TPD52L2: variants seen among roughly 807,000 people sequenced by gnomAD.
TPD52L2 encodes tumor protein D54.
In TPD52L2, 19 loss-of-function variants were observed where a neutral mutation model predicts 24.7. The observed-to-expected ratio is 0.77, with a 90% confidence interval of 0.54 to 1.13. The LOEUF (loss-of-function observed/expected upper bound fraction) is 1.13, where lower values mean the gene tolerates loss of function less well. Among genes scored for constraint, TPD52L2 ranks in the 50% most tolerant of loss-of-function variants. The pLI, the probability that TPD52L2 is intolerant of heterozygous loss-of-function variation, is 0.00. For synonymous variants in TPD52L2, 104 were observed against 100.2 expected (o/e 1.04, Z -0.23); for missense variants, 236 against 250.4 (o/e 0.94, Z 0.39).
At chr20:63,888,662 A>T (rs1489217159) in intron 5 of TPD52L2, 2 of 151,204 alleles carry the variant, frequency 1.3e-5, no homozygotes, top group Non-Finnish European at 2.9e-5. Flanking sequence ...AGGGGATAGC[A>T]GAGAGGGGCC....
chr20:63,879,576 C>T (rs564966499), intron 4 of TPD52L2, among the ~76,000 whole-genome samples: 1 of 151,776 alleles, frequency 6.6e-6, no homozygotes, highest in African/African-American at 2.4e-5. Context: ...CATCCCCACT[C>T]TTAGGGCACA....
At chr20:63,881,179 T>C (rs922380332) in intron 4 of TPD52L2, among the ~76,000 whole-genome samples, 4 of 151,946 alleles carry the variant, frequency 2.6e-5, no homozygotes, top group Non-Finnish European at 5.9e-5. Context: ...CTGGCCAACA[T>C]GGTGAAACGC....
At chr20:63,881,915 T>C (rs2052913530) in intron 4 of TPD52L2, among the ~76,000 whole-genome samples, 2 of 152,220 alleles carry the variant, frequency 1.3e-5, no homozygotes, top group South Asian at 4.1e-4. Context: ...AGCCACAGCA[T>C]CCTGCCTGCT....
chr20:63,868,857 C>T (rs1437135865), intron 1 of TPD52L2, among the ~76,000 whole-genome samples: 1 of 152,150 alleles, frequency 6.6e-6, no homozygotes, highest in Non-Finnish European at 1.5e-5. Flanking sequence ...AGGAGAATCA[C>T]TTGAACCCGG....
chr20:63,886,435 A>G (rs997827950), intron 5 of TPD52L2, among the ~76,000 whole-genome samples: 4 of 149,238 alleles, frequency 2.7e-5, no homozygotes, highest in East Asian at 2.0e-4. Flanking sequence ...ATCTCGGCTC[A>G]CTGCAAGCTC....
chr20:63,874,545 T>G (rs1435111534), intron 3 of TPD52L2, among the ~76,000 whole-genome samples: 1 of 151,954 alleles, frequency 6.6e-6, no homozygotes. Flanking sequence ...GGCTAATTTT[T>G]TCACGTTTTA....
intron 5 of TPD52L2, chr20:63,886,055 C>T (rs765920944): frequency 1.9e-6 from 3 of 1,613,928 alleles, no homozygotes; most frequent in East Asian, 2.2e-5. Flanking sequence ...AAGGCTGAGC[C>T]TGGACACACC....
chr20:63,868,771 C>G (rs1057442625), intron 1 of TPD52L2, among the ~76,000 whole-genome samples: 1 of 152,206 alleles, frequency 6.6e-6, no homozygotes, highest in Non-Finnish European at 1.5e-5. Context: ...TGACGAAACC[C>G]CGTCTCTACT....
chr20:63,886,019 T>C (rs545312336), intron 5 of TPD52L2: 2 of 1,614,052 alleles, frequency 1.2e-6, no homozygotes, highest in Non-Finnish European at 1.7e-6. Context: ...CTTCCAGGGC[T>C]CATCCATTTT....
At chr20:63,872,734 G>A (rs535363290) in intron 2 of TPD52L2, among the ~76,000 whole-genome samples, 2 of 150,458 alleles carry the variant, frequency 1.3e-5, no homozygotes, top group African/African-American at 4.9e-5. Context: ...ATGGAGTCTC[G>A]CTCTGTCACC....
intron 1 of TPD52L2, 92 bp from the exon 2 acceptor site, chr20:63,869,204 C>T (rs1289896213): frequency 2.0e-6 from 3 of 1,469,788 alleles, no homozygotes; most frequent in Non-Finnish European, 1.9e-6. Context: ...TCACCCACTC[C>T]CACCTGTGCT....
intron 1 of TPD52L2, among the ~76,000 whole-genome samples, chr20:63,867,827 G>A (rs1317046614): frequency 6.7e-6 from 1 of 148,872 alleles, no homozygotes; most frequent in African/African-American, 2.5e-5. Context: ...AAAAAGAGAC[G>A]GGGTTTCACC....
chr20:63,876,708 C>A (rs1328004252), intron 4 of TPD52L2: 1 of 454,196 alleles, frequency 2.2e-6, no homozygotes, highest in African/African-American at 2.0e-5. Flanking sequence ...TCTTGAAGGT[C>A]CTGGGGGACC....
chr20:63,868,197 G>A (rs373296483), intron 1 of TPD52L2, among the ~76,000 whole-genome samples: 6 of 152,244 alleles, frequency 3.9e-5, no homozygotes, highest in East Asian at 1.9e-4. Context: ...ATAGGCATGA[G>A]CCACTGCGCC....
intron 5 of TPD52L2, among the ~76,000 whole-genome samples, chr20:63,883,844 C>CCCTG (rs1021410263): frequency 1.3e-5 from 2 of 149,286 alleles, no homozygotes; most frequent in Non-Finnish European, 3.0e-5. Flanking sequence ...CTGCCTGCCT[C>CCCTG]CCTGCCTGCC....
In TPD52L2 at chr20:63,890,149, C is replaced by G. The variant is rs573617735; in HGVS notation, c.*204C>G. 4.2e-6 allele frequency: 5 copies of G among 1,190,112 alleles called. No homozygotes were observed. Among genetic ancestry groups the G allele is most frequent in the African/African-American group, 1.5e-5 (1 of 65,430 alleles). 73.7% of individuals were successfully genotyped at this position (1,190,112 alleles called of 1,614,324 possible). A position where few individuals can be genotyped will look rare whatever the true frequency, so the allele number is the denominator to read the frequency against. On this transcript the variant is annotated 3_prime_UTR_variant, in exon 7 of 7. Coordinates refer to ENST00000346249, the MANE Select transcript of TPD52L2 (RefSeq NM_003288.4). ...CTTGTACACAGATGTTTTACACTCA[C>G]GTTTGTAGATGAAACAGATCACTGT...
intron 1 of TPD52L2, among the ~76,000 whole-genome samples, chr20:63,866,864 T>C (rs555610030): frequency 6.6e-6 from 1 of 150,918 alleles, no homozygotes; most frequent in South Asian, 2.1e-4. Flanking sequence ...CTTCAACTCC[T>C]GGGCTCAAGC....
intron 5 of TPD52L2, 41 bp from the exon 6 acceptor site, chr20:63,889,149 C>T (rs113061593): frequency 5.0e-6 from 8 of 1,592,734 alleles, no homozygotes; most frequent in African/African-American, 4.0e-5. Flanking sequence ...CAGCACAACC[C>T]TCTCCTCTTG....
intron 4 of TPD52L2, 68 bp from the exon 5 acceptor site, chr20:63,882,651 T>G: frequency 2.3e-6 from 3 of 1,290,992 alleles, no homozygotes; most frequent in Non-Finnish European, 3.4e-6. Flanking sequence ...TCCCAGTGCT[T>G]TGTTTGCTTG....
Sources: gnomAD v4.1 joint callset for allele counts (sites outside exome capture counted in the v4.1 genomes callset) on GRCh38, gnomAD v4.1.1 for gene constraint, MANE v1.5 for transcripts, NCBI Gene and HGNC (gene_info 2026-07-23, HGNC 2026-07-21) for gene names.